CTBP1: variants seen among roughly 807,000 people sequenced by gnomAD.
CTBP1 encodes the protein C-terminal binding protein 1, also known as C-terminal-binding protein 1.
CTBP1 carries 11 observed loss-of-function variants against 42.1 expected under a neutral mutation model. The observed-to-expected ratio is 0.26, with a 90% CI of 0.16 to 0.43. The LOEUF (loss-of-function observed/expected upper bound fraction) is 0.43, where lower values mean the gene tolerates loss of function less well. Among genes scored for constraint, CTBP1 ranks in the 20% least tolerant of loss-of-function variants. The pLI is 1.00. For synonymous variants in CTBP1, 324 were observed against 277.1 expected (o/e 1.17, Z -1.68); for missense variants, 399 against 624.3 (o/e 0.64, Z 3.85).
At chr4:1,249,553 C>G (rs975400255), upstream of CTBP1, 1 of 206,916 alleles carries the variant, frequency 4.8e-6, no homozygotes, top group Non-Finnish European at 1.0e-5. Context: ...CCCGCGCTCG[C>G]TTCTCGCCCC....
In CTBP1 at chr4:1,235,125, CCACT is replaced by C. The variant is rs1352363015; in HGVS notation, c.162+3054_162+3057del. 6.6e-6 allele frequency: 1 copy of C among 152,148 alleles called. No individual in the cohort carries two copies. Among genetic ancestry groups the C allele is most frequent in the Admixed American group, 6.5e-5 (1 of 15,280 alleles). 9.4% of individuals were successfully genotyped at this position (152,148 alleles called of 1,614,324 possible). A position where few individuals can be genotyped will look rare whatever the true frequency, so the allele number is the denominator to read the frequency against. Reference sequence around the variant, plus strand: ...AGGGAGGTGGCCAGCATTTGCCTGGCCACTCACCCACTGAAGGACAGCCGGTGGG... The same window carrying C: ...AGGGAGGTGGCCAGCATTTGCCTGGCCACCCACTGAAGGACAGCCGGTGGG... On this transcript the variant is annotated intron_variant, in intron 3 of 9. Coordinates refer to ENST00000382952, the MANE Select transcript of CTBP1 (RefSeq NM_001012614.2). This position sits in a 1 kb window ranked among gnomAD's most constrained non-coding sequence, Gnocchi z 4.2.
chr4:1,245,685 G>C, intron 1 of CTBP1: 1 of 984,340 alleles, frequency 1.0e-6, no homozygotes, highest in Non-Finnish European at 1.2e-6. Flanking sequence ...TGGCACGGGT[G>C]GGCAGGGTGG....
intron 3 of CTBP1, chr4:1,236,465 C>A: frequency 3.4e-6 from 2 of 580,456 alleles, no homozygotes; most frequent in Non-Finnish European, 6.2e-6. Flanking sequence ...GCCACAAAAG[C>A]TGGCATCCCG....
chr4:1,243,669 G>A (rs759680690), intron 1 of CTBP1: 26 of 985,338 alleles, frequency 2.6e-5, no homozygotes, highest in Middle Eastern at 5.2e-4. Flanking sequence ...GAGGCCCTGC[G>A]CACCTCACGC....
intron 5 of CTBP1, among the ~76,000 whole-genome samples, chr4:1,219,799 A>G (rs1242130501): frequency 2.6e-5 from 4 of 152,262 alleles, no homozygotes; most frequent in African/African-American, 7.2e-5. Flanking sequence ...ACGCACTAGG[A>G]TAACAGGCAC....
intron 3 of CTBP1, among the ~76,000 whole-genome samples, chr4:1,228,834 G>A (rs892541147): frequency 3.9e-5 from 6 of 152,156 alleles, no homozygotes; most frequent in Non-Finnish European, 2.9e-5. Flanking sequence ...GTAAGTCCCC[G>A]CGGCACACAA....
chr4:1,216,826 T>C, intron 5 of CTBP1: 1 of 159,518 alleles, frequency 6.3e-6, no homozygotes, highest in Admixed American at 5.8e-5. Flanking sequence ...AGCCACCGTG[T>C]CTGGCTGGGG....
chr4:1,230,073 G>A (rs1219923252), intron 3 of CTBP1, among the ~76,000 whole-genome samples: 3 of 152,230 alleles, frequency 2.0e-5, no homozygotes, highest in Non-Finnish European at 4.4e-5. Context: ...GCTGCCCCGG[G>A]CCTCCTGGGA....
At chr4:1,226,985 T>G (rs1462406389) in intron 4 of CTBP1, among the ~76,000 whole-genome samples, 1 of 151,984 alleles carries the variant, frequency 6.6e-6, no homozygotes, top group Non-Finnish European at 1.5e-5. Flanking sequence ...GCTGGCCAAC[T>G]GTGGGCAAGG....
chr4:1,223,539 G>A, intron 5 of CTBP1: 1 of 455,348 alleles, frequency 2.2e-6, no homozygotes, highest in Admixed American at 2.4e-5. Context: ...CGGGGGGCCG[G>A]CCGGTCAAGG....
intron 1 of CTBP1, among the ~76,000 whole-genome samples, chr4:1,247,772 G>GA (rs1553852064): frequency 1.9e-5 from 1 of 52,372 alleles, no homozygotes; most frequent in Non-Finnish European, 5.3e-5. Flanking sequence ...CGGGGAGGGG[G>GA]GGGGGGCTCG....
chr4:1,237,784 G>A (rs1731710287), intron 3 of CTBP1: 2 of 692,260 alleles, frequency 2.9e-6, no homozygotes, highest in East Asian at 2.7e-5. Context: ...CAAACCCCGT[G>A]TCCACCTCCT....
intron 1 of CTBP1, chr4:1,244,693 G>A (rs535244445): frequency 5.6e-5 from 55 of 985,340 alleles, no homozygotes; most frequent in Middle Eastern, 5.2e-4. Flanking sequence ...TGGTCTCAGC[G>A]GCCCTCACCC....
chr4:1,226,678 AC>A (rs1194013662), intron 4 of CTBP1, among the ~76,000 whole-genome samples: 1 of 151,396 alleles, frequency 6.6e-6, no homozygotes, highest in Non-Finnish European at 1.5e-5. Flanking sequence ...GAGATGGTAA[AC>A]AGCAGGGACC....
In CTBP1 at chr4:1,238,414, T is replaced by C. The variant is rs73793154; in HGVS notation, c.8-77A>G. On this transcript the variant is annotated intron_variant, in intron 2 of 9. Transcript: ENST00000382952. This position sits in a 1 kb window ranked among gnomAD's most constrained non-coding sequence, Gnocchi z 5.9. The stretch of plus-strand genomic sequence containing the variant: ...ACAACCCACTCCACGCCACCCACTG[T>C]GCACGGGCCAACGAGGGCCGACCGC... 40,859 of 1,477,668 alleles carry C rather than the reference T, an allele frequency of 0.028. 1,705 individuals are homozygous for C. Among genetic ancestry groups the C allele is most frequent in the East Asian group, 0.19 (8,492 of 43,564 alleles). The allele number at this position is 1,477,668 out of a possible 1,614,324, so 91.5% of individuals were successfully genotyped here.
rs1731790981 is a variant in CTBP1, at chr4:1,238,328, G to A, written c.17C>T (p.Pro6Leu). 1 of 1,568,858 alleles carries A rather than the reference G, an allele frequency of 6.4e-7. No individual in the cohort carries two copies. Among genetic ancestry groups the A allele is most frequent in the Non-Finnish European group, 8.7e-7 (1 of 1,153,738 alleles). Residue 6 changes from proline to leucine, a missense_variant, in exon 3 of 10, where the codon CCT becomes CTT. By Grantham distance (98) the Pro-to-Leu change is moderately conservative (BLOSUM62 -3). Coordinates refer to ENST00000382952, the MANE Select transcript of CTBP1 (RefSeq NM_001012614.2). This position sits in a 1 kb window ranked among gnomAD's most constrained non-coding sequence, Gnocchi z 5.9. MSGVR[P>L]PIMNGPLHPR... ...GTGCAGGGGCCCGTTCATGATCGGA[G>A]GTCGGACGCCTGCAAGACAGAGGCA...
chr4:1,247,772 G>C (rs567118087), intron 1 of CTBP1, among the ~76,000 whole-genome samples: 1 of 52,372 alleles, frequency 1.9e-5, no homozygotes, highest in African/African-American at 5.0e-5. Flanking sequence ...CGGGGAGGGG[G>C]GGGGGGCTCG....
At chr4:1,225,713 G>T in intron 4 of CTBP1, 147 bp from the exon 5 acceptor site, 2 of 808,110 alleles carry the variant, frequency 2.5e-6, no homozygotes, top group Non-Finnish European at 3.8e-6. Context: ...GAGGCCACGA[G>T]ATGAACACGT....
At chr4:1,222,793 C>A (rs529229317) in intron 5 of CTBP1, among the ~76,000 whole-genome samples, 13 of 152,108 alleles carry the variant, frequency 8.5e-5, no homozygotes, top group Non-Finnish European at 1.9e-4. Context: ...AGAGTGGCCA[C>A]GGGAAGAGCC....
Sources: gnomAD v4.1 joint callset for allele counts (sites outside exome capture counted in the v4.1 genomes callset) on GRCh38, gnomAD v4.1.1 for gene constraint, Gnocchi (gnomAD v3.1) non-coding constraint, MANE v1.5 for transcripts, NCBI Gene and HGNC (gene_info 2026-07-23, HGNC 2026-07-21) for gene names.